The following HHAT variants were observed in gnomAD, a reference collection of about 807,000 sequenced individuals.
The protein encoded by HHAT is hedgehog acyltransferase, also known as protein-cysteine N-palmitoyltransferase HHAT.
In HHAT, 47 loss-of-function variants were observed where a neutral mutation model predicts 70.8. The ratio of observed to expected loss-of-function variants is 0.66; its 90% CI spans 0.53 to 0.85. The LOEUF is 0.85. Among genes scored for constraint, HHAT ranks in the 40% least tolerant of loss-of-function variants. HHAT has a pLI of 0.00. For synonymous variants in HHAT, 228 were observed against 247.6 expected, an observed-to-expected ratio of 0.92 and a Z score of 0.74; for missense variants, 609 against 604.8, an observed-to-expected ratio of 1.01 and a Z score of -0.07.
intron 11 of HHAT, among the ~76,000 whole-genome samples, chr1:210,634,577 C>G (rs182226932): frequency 6.6e-6 from 1 of 152,142 alleles, no homozygotes; most frequent in African/African-American, 2.4e-5. Context: ...TGTGGAGCTG[C>G]GCTTTTTCTC....
chr1:210,334,034 G>T (rs1571650787), intron 1 of HHAT, among the ~76,000 whole-genome samples: 2 of 151,978 alleles, frequency 1.3e-5, no homozygotes, highest in East Asian at 3.9e-4. Flanking sequence ...AGAAATTCAT[G>T]AAAATAAAGA....
At chr1:210,382,791 T>C (rs1285229347) in intron 3 of HHAT, among the ~76,000 whole-genome samples, 2 of 152,022 alleles carry the variant, frequency 1.3e-5, no homozygotes, top group Non-Finnish European at 2.9e-5. Flanking sequence ...TGAGGTGCAC[T>C]CTAGGTTGGA....
chr1:210,657,116 T>G (rs1043775993), intron 11 of HHAT, among the ~76,000 whole-genome samples: 3 of 152,210 alleles, frequency 2.0e-5, no homozygotes, highest in Admixed American at 6.5e-5. Context: ...CTCAGGTGGT[T>G]AAAATGAGCA....
chr1:210,416,192 G>T (rs1036359048), intron 6 of HHAT, among the ~76,000 whole-genome samples: 3 of 151,878 alleles, frequency 2.0e-5, no homozygotes, highest in Admixed American at 6.6e-5. Flanking sequence ...TCCCGCTGGG[G>T]GCAGTGCCTG....
chr1:210,442,569 T>G (rs1336668685), intron 7 of HHAT, among the ~76,000 whole-genome samples: 1 of 152,000 alleles, frequency 6.6e-6, no homozygotes, highest in Admixed American at 6.6e-5. Context: ...GGTATCTCAT[T>G]GTGGTTTTGA....
intron 9 of HHAT, among the ~76,000 whole-genome samples, chr1:210,562,750 A>G (rs116117242): frequency 1.6e-3 from 248 of 151,600 alleles, no homozygotes; most frequent in African/African-American, 5.8e-3. Context: ...GGTGTGCTAC[A>G]TCCAGTAACT....
chr1:210,382,431 T>C (rs777068633), intron 3 of HHAT, among the ~76,000 whole-genome samples: 1 of 152,200 alleles, frequency 6.6e-6, no homozygotes, highest in Non-Finnish European at 1.5e-5. Flanking sequence ...GGGAGAAATG[T>C]GACAAGTACT....
intron 8 of HHAT, among the ~76,000 whole-genome samples, chr1:210,489,225 G>A (rs149207059): frequency 1.6e-4 from 24 of 152,296 alleles, no homozygotes; most frequent in Admixed American, 6.5e-4. Flanking sequence ...AAAATATTGT[G>A]TTGTTAGTAA....
intron 8 of HHAT, among the ~76,000 whole-genome samples, chr1:210,473,726 A>T (rs2094250846): frequency 6.6e-6 from 1 of 152,192 alleles, no homozygotes; most frequent in Non-Finnish European, 1.5e-5. Context: ...TCCCACAGCC[A>T]CCTTGATGAC....
intron 7 of HHAT, among the ~76,000 whole-genome samples, chr1:210,440,464 A>G (rs1229714064): frequency 6.6e-6 from 1 of 151,688 alleles, no homozygotes; most frequent in Non-Finnish European, 1.5e-5. Context: ...CCCACCCCAG[A>G]AAGGCTTGGG....
intron 8 of HHAT, among the ~76,000 whole-genome samples, chr1:210,470,276 G>A (rs180984920): frequency 2.6e-5 from 4 of 152,280 alleles, no homozygotes; most frequent in Non-Finnish European, 5.9e-5. Context: ...ACGCATGGGA[G>A]TCCCCTGAAT....
intron 8 of HHAT, among the ~76,000 whole-genome samples, chr1:210,481,015 A>G (rs913702463): frequency 3.9e-5 from 6 of 152,236 alleles, no homozygotes; most frequent in Non-Finnish European, 7.3e-5. Flanking sequence ...ATACGCTCAC[A>G]TAGCTTACTC....
At chr1:210,399,124 A>C (rs577257980) in intron 4 of HHAT, among the ~76,000 whole-genome samples, 76 of 152,376 alleles carry the variant, frequency 5.0e-4, no homozygotes, top group South Asian at 3.1e-3. Context: ...TCACTTTTCA[A>C]TTCGGTGGTT....
At position 210,383,542 on chromosome 1, in the gene HHAT, A is replaced by G. The variant is rs539654174; in HGVS notation, c.160-3926A>G. On this transcript the variant is annotated intron_variant, in intron 3 of 11. Transcript: ENST00000261458. ...TTTTAGGGCAGTGAAACTATTTCAT[A>G]TGATATGATAATGGTGGATATGTGT... 5.3e-4 allele frequency among the ~76,000 whole-genome samples: 80 copies of G among 152,290 alleles called. 1 individual carries two copies. The highest frequency in any genetic ancestry group is 9.1e-4 in the Admixed American group (14 of 15,308).
At chr1:210,653,691 C>T (rs1675672346) in intron 11 of HHAT, among the ~76,000 whole-genome samples, 1 of 152,078 alleles carries the variant, frequency 6.6e-6, no homozygotes, top group African/African-American at 2.4e-5. Context: ...TTTTCCCTGC[C>T]TACCCTTTGG....
intron 11 of HHAT, among the ~76,000 whole-genome samples, chr1:210,658,350 CTT>C (rs1676903711): frequency 6.6e-6 from 1 of 152,156 alleles, no homozygotes; most frequent in African/African-American, 2.4e-5. Flanking sequence ...CTAAAGTAGA[CTT>C]TTATATATTT....
intron 7 of HHAT, among the ~76,000 whole-genome samples, chr1:210,433,393 A>G (rs2093299978): frequency 6.6e-6 from 1 of 151,926 alleles, no homozygotes; most frequent in Non-Finnish European, 1.5e-5. Context: ...ATAAGGCAGC[A>G]AAGGGAAATC....
chr1:210,346,420 A>G (rs1249049342), intron 1 of HHAT, among the ~76,000 whole-genome samples: 1 of 152,252 alleles, frequency 6.6e-6, no homozygotes. Context: ...GAAAAGTTCC[A>G]GAAAGGAGTC....
chr1:210,569,763 A>G (rs1337979060), intron 9 of HHAT, among the ~76,000 whole-genome samples: 5 of 152,114 alleles, frequency 3.3e-5, no homozygotes, highest in Admixed American at 6.6e-5. Flanking sequence ...GCCACCCCTC[A>G]GAATCAACCC....
Sources: gnomAD v4.1 joint callset for allele counts (sites outside exome capture counted in the v4.1 genomes callset) on GRCh38, gnomAD v4.1.1 for gene constraint, MANE v1.5 for transcripts, NCBI Gene and HGNC (gene_info 2026-07-23, HGNC 2026-07-21) for gene names.